The following VPS52 variants were observed in gnomAD, a reference collection of about 807,000 sequenced individuals.
The protein encoded by VPS52 is vacuolar protein sorting-associated protein 52 homolog.
In VPS52, 56 loss-of-function variants were observed where a neutral mutation model predicts 98.7. That is an observed-to-expected ratio of 0.57 (90% CI 0.46 to 0.71). The LOEUF (loss-of-function observed/expected upper bound fraction) is 0.71. Ranked by LOEUF, VPS52 falls within the 30% of genes least tolerant of loss-of-function variation. The probability of loss-of-function intolerance (pLI) is 0.00; values close to 1 mark genes in which losing one functional copy is unlikely to be tolerated. For synonymous variants in VPS52, 348 were observed against 346.4 expected, an observed-to-expected ratio of 1.00 and a Z score of -0.05; for missense variants, 742 against 925.9, an observed-to-expected ratio of 0.80 and a Z score of 2.58.
At chr6:33,256,463 C>CAAAAAAAAAAAAAAAA (rs9280385) in intron 17 of VPS52, among the ~76,000 whole-genome samples, 6 of 83,738 alleles carry the variant, frequency 7.2e-5, no homozygotes, top group African/African-American at 1.1e-4. Flanking sequence ...AAACCTGTCT[C>CAAAAAAAAAAAAAAAA]AAAAAAAAAA....
At chr6:33,261,642 G>C (rs1259562248) in intron 17 of VPS52, among the ~76,000 whole-genome samples, 1 of 151,996 alleles carries the variant, frequency 6.6e-6, no homozygotes, top group East Asian at 1.9e-4. Context: ...AAAACACTGG[G>C]GAAAATCTCC....
rs563970162 is a variant in VPS52, at chr6:33,259,519, A to G, written c.1794+3965T>C. Among the ~76,000 whole-genome samples, 20 of 152,304 alleles carry G rather than the reference A, an allele frequency of 1.3e-4. No homozygotes were observed. The South Asian group carries it at 4.1e-3, about 32-fold the overall frequency. On this transcript the variant is annotated intron_variant, in intron 17 of 19. Coordinates refer to ENST00000445902, the MANE Select transcript of VPS52 (RefSeq NM_022553.6). The stretch of plus-strand genomic sequence containing the variant: ...GTTATTAGTAATCAGAAAATTACAA[A>G]TAAAACCCACTGAAATACAGGTTGA...
At chr6:33,265,612 C>T (rs213200) in intron 12 of VPS52, among the ~76,000 whole-genome samples, 85,472 of 151,954 alleles carry the variant, frequency 0.56, 24,401 homozygotes, top group East Asian at 0.73. Context: ...CCTCAAGCAA[C>T]CTTCCTGCCT....
Position 33,268,705 on chromosome 6 carries a change from C to A in VPS52, c.549-56G>T. On this transcript the variant is annotated intron_variant, in intron 6 of 19. Transcript: ENST00000445902. The surrounding 1 kb of genome is among the most constrained non-coding windows in gnomAD (Gnocchi z 4.0). ...CAAGGGAGACCCAGACATCCCTAAACCAGACCCAGACCACACTCCTTACCT... is the reference window on the plus strand; with the variant it reads ...CAAGGGAGACCCAGACATCCCTAAAACAGACCCAGACCACACTCCTTACCT... 6.5e-7 allele frequency: 1 copy of A among 1,532,204 alleles called. No individual in the cohort carries two copies. The allele number at this position is 1,532,204 out of a possible 1,614,324, so 94.9% of individuals were successfully genotyped here. A position where few individuals can be genotyped will look rare whatever the true frequency, so the allele number is the denominator to read the frequency against.
intron 17 of VPS52, among the ~76,000 whole-genome samples, chr6:33,256,798 G>A (rs1183029474): frequency 6.7e-6 from 1 of 148,478 alleles, no homozygotes; most frequent in Admixed American, 6.7e-5. Context: ...CTGAGATTGT[G>A]GCCCTGCACT....
rs17221618 is a variant in VPS52 at position 33,271,646 on chromosome 6, C to G, written c.30G>C (p.Ala10=). The change falls in exon 1 of 20, where the codon GCG becomes GCC. Residue 10 remains alanine (A), a synonymous_variant. Transcript: ENST00000445902. MAAAATMAA[A]ARELVLRAGT... ...CAGCCCGCAACACCAGTTCCCGGGC[C>G]GCAGCCGCCATGGTCGCAGCGGCGG... is the stretch of plus-strand genomic sequence containing the variant. 0.022 allele frequency: 35,197 copies of G among 1,610,220 alleles called. 688 individuals carry two copies. The highest frequency in any genetic ancestry group is 0.088 in the African/African-American group (6,562 of 74,914).
chr6:33,271,681 G>C lies in VPS52; in HGVS notation c.-6C>G. 1.9e-6 allele frequency: 3 copies of C among 1,604,572 alleles called. No homozygotes were observed. Among genetic ancestry groups the C allele is most frequent in the South Asian group, 2.2e-5 (2 of 89,912 alleles). ...ATGGTCGCAGCGGCGGCCATTCCCC[G>C]CAGCCTCACTTCCGGCAACTGTCAG... On this transcript the variant is annotated 5_prime_UTR_variant, in exon 1 of 20. Transcript: ENST00000445902.
chr6:33,271,047 A>G (rs415748), intron 1 of VPS52: 27,846 of 214,434 alleles, frequency 0.13, 2,239 homozygotes, highest in South Asian at 0.22. Flanking sequence ...CTTAAATTTA[A>G]GACCCTCAGA....
intron 17 of VPS52, among the ~76,000 whole-genome samples, chr6:33,253,432 G>A (rs889195530): frequency 7.3e-5 from 11 of 150,454 alleles, no homozygotes; most frequent in African/African-American, 2.7e-4. Flanking sequence ...AGATGTTGGA[G>A]TGTGCCAAGA....
At position 33,267,242 on chromosome 6, in the gene VPS52, A is replaced by G. The variant is rs1160912288; in HGVS notation, c.1071T>C (p.Thr357=). 7 of 1,601,382 alleles carry G rather than the reference A, an allele frequency of 4.4e-6. No homozygotes were observed. The South Asian group carries it at 4.5e-5, about 10-fold the overall frequency. Residue 357 remains threonine, a synonymous_variant, in exon 11 of 20, where the codon ACT becomes ACC. Coordinates refer to ENST00000445902, the MANE Select transcript of VPS52 (RefSeq NM_022553.6). This position sits in a 1 kb window ranked among gnomAD's most constrained non-coding sequence, Gnocchi z 4.2. ...GCACCAGGATGGGGGCCTCAAGTTC[A>G]GTGGGGGAGATGACAGAGCCGCGGG... ...LGTRGSVISP[T]ELEAPILVPH...
At chr6:33,252,443 G>A (rs1235643814) in intron 17 of VPS52, among the ~76,000 whole-genome samples, 3 of 152,082 alleles carry the variant, frequency 2.0e-5, no homozygotes, top group Non-Finnish European at 2.9e-5. Flanking sequence ...ACAAAAATTA[G>A]CTGGGCATGA....
chr6:33,253,671 C>T (rs1011222756), intron 17 of VPS52, among the ~76,000 whole-genome samples: 1 of 151,858 alleles, frequency 6.6e-6, no homozygotes. Context: ...GGGAGGATCA[C>T]TTGAGCCCAG....
Position 33,264,370 on chromosome 6 carries a change from T to G in VPS52, c.1524+4A>C. On this transcript the variant is annotated splice_donor_region_variant and intron_variant, in intron 14 of 19. Transcript: ENST00000445902. ...AACCCTTTGTTACCCTTGCCCTCCC[T>G]CACATAGTGGGGCCGAGTATCCAAC... 2 of 1,613,866 alleles carry G rather than the reference T, an allele frequency of 1.2e-6. No individual in the cohort carries two copies. Among genetic ancestry groups the G allele is most frequent in the Non-Finnish European group, 1.7e-6 (2 of 1,179,888 alleles).
At chr6:33,251,436 A>T in intron 19 of VPS52, 82 bp downstream of exon 19, 1 of 917,424 alleles carries the variant, frequency 1.1e-6, no homozygotes, top group Non-Finnish European at 1.7e-6. Context: ...AGGGTCACTT[A>T]GATGATGCTG....
chr6:33,251,954 C>T lies in VPS52; in HGVS notation c.1812G>A (p.Leu604=), dbSNP rs1244487739. 6.2e-7 allele frequency: 1 copy of T among 1,613,014 alleles called. No individual in the cohort carries two copies. Among genetic ancestry groups the T allele is most frequent in the African/African-American group, 1.3e-5 (1 of 74,942 alleles). The change falls in exon 18 of 20, where the codon TTG becomes TTA. Residue 604 remains leucine (L), a synonymous_variant. Coordinates refer to ENST00000445902, the MANE Select transcript of VPS52 (RefSeq NM_022553.6). ...CTAAACCCCCAAAAGGGGGAGACAG[C>T]AACTCTTCAATGAATTCCTGGAAAG... The part of the protein sequence containing the change: ...NARTQEFIEE[L]LSPPFGGLVA...
At chr6:33,265,889 T>TG (rs1264848281) in intron 12 of VPS52, among the ~76,000 whole-genome samples, 13 of 152,088 alleles carry the variant, frequency 8.5e-5, no homozygotes, top group East Asian at 5.8e-4. Context: ...TTTTTTGAGA[T>TG]GGAGTCTCGC....
At chr6:33,265,313 C>T (rs1764173435) in intron 12 of VPS52, among the ~76,000 whole-genome samples, 1 of 152,048 alleles carries the variant, frequency 6.6e-6, no homozygotes, top group African/African-American at 2.4e-5. Flanking sequence ...TGACCTCAGG[C>T]GATCCGCCCA....
intron 17 of VPS52, among the ~76,000 whole-genome samples, chr6:33,253,956 T>G (rs952301390): frequency 6.6e-6 from 1 of 151,988 alleles, no homozygotes. Flanking sequence ...TCACTATGCT[T>G]TTCTAATAGC....
intron 5 of VPS52, 139 bp from the exon 6 acceptor site, chr6:33,269,328 A>C (rs1764715393): frequency 7.1e-7 from 1 of 1,401,858 alleles, no homozygotes; most frequent in Non-Finnish European, 9.9e-7. Flanking sequence ...ATTATCAGGA[A>C]ATAACATTAA....
Sources: gnomAD v4.1 joint callset for allele counts (sites outside exome capture counted in the v4.1 genomes callset) on GRCh38, gnomAD v4.1.1 for gene constraint, Gnocchi (gnomAD v3.1) non-coding constraint, MANE v1.5 for transcripts, NCBI Gene and HGNC (gene_info 2026-07-23, HGNC 2026-07-21) for gene names.